Variants in SPRY3 observed in about 807,000 individuals in gnomAD.
SPRY3 encodes protein sprouty homolog 3.
Under a neutral mutation model 20.2 loss-of-function variants are expected in SPRY3, and 15 were observed. The ratio of observed to expected loss-of-function variants is 0.74; its 90% CI spans 0.50 to 1.14. The LOEUF is 1.14. Among genes scored for constraint, SPRY3 ranks in the 50% most tolerant of loss-of-function variants. The pLI is 0.00. For missense variants in SPRY3, 364 were observed against 363.9 expected (o/e 1.00, Z 0.00); for synonymous variants, 143 against 136.5 (o/e 1.05, Z -0.33).
chrX:155,732,388 C>T (rs2091138997), intron 2 of SPRY3, among the ~76,000 whole-genome samples: 1 of 151,854 alleles, frequency 6.6e-6, no homozygotes, highest in South Asian at 2.1e-4. Context: ...ATACAAATGG[C>T]AGTCATATGA....
At chrX:155,699,034 A>T (rs2068127748) in intron 2 of SPRY3, among the ~76,000 whole-genome samples, 2 of 112,324 alleles carry the variant, frequency 1.8e-5, no homozygotes, top group Admixed American at 9.5e-5. Context: ...CATAATCAAC[A>T]TTGTATTGGA....
chrX:155,695,125 C>T (rs1331535240), intron 2 of SPRY3, among the ~76,000 whole-genome samples: 1 of 111,985 alleles, frequency 8.9e-6, no homozygotes, highest in Non-Finnish European at 1.9e-5. Context: ...TATTTAGTGT[C>T]TCTGATGTCC....
At position 155,669,446 on chromosome X, in the gene SPRY3, A is replaced by G. The variant is rs2068033685; in HGVS notation, c.-282+12421A>G. On this transcript the variant is annotated intron_variant, in intron 2 of 3. Coordinates refer to ENST00000675360, the Ensembl canonical transcript of SPRY3. ...CAGAGAAAAAACATTGAGTTTCCCA[A>G]ATCATTCTGTGAGTATAGTATAATT... is the stretch of plus-strand genomic sequence containing the variant. Among the ~76,000 whole-genome samples the G allele has an allele frequency of 2.7e-5, 3 of 111,034 alleles. No homozygotes were observed. In the Admixed American group the frequency reaches 2.9e-4, roughly 11 times the overall value.
chrX:155,695,427 G>A lies in SPRY3; in HGVS notation c.-282+38402G>A, dbSNP rs775409817. On this transcript the variant is annotated intron_variant, in intron 2 of 3. Transcript: ENST00000675360. ...TAAGATTTTCTTTTTTTTGGTTTTC[G>A]GTAGTTTGGTTATAATGTGCCTAGG... Among the ~76,000 whole-genome samples, 68 of 109,380 alleles carry A rather than the reference G, an allele frequency of 6.2e-4. 1 individual carries two copies. The highest frequency in any genetic ancestry group is 9.4e-3 in the Middle Eastern group (2 of 213). 95.0% of individuals were successfully genotyped at this position (109,380 alleles called of 115,157 possible). A position where few individuals can be genotyped will look rare whatever the true frequency, so the allele number is the denominator to read the frequency against.
At chrX:155,769,639 T>G (rs978559157) in intron 3 of SPRY3, among the ~76,000 whole-genome samples, 2 of 152,234 alleles carry the variant, frequency 1.3e-5, no homozygotes, top group African/African-American at 2.4e-5. Context: ...AAATTTTCCC[T>G]GTATCATTCA....
chrX:155,669,639 A>G (rs782329506), intron 2 of SPRY3: 1 of 111,831 alleles, frequency 8.9e-6, no homozygotes, highest in Admixed American at 9.5e-5. Context: ...GTTCAAAATT[A>G]GGGAATGTAA....
chrX:155,764,227 T>C (rs2091315651), intron 2 of SPRY3, among the ~76,000 whole-genome samples: 1 of 152,216 alleles, frequency 6.6e-6, no homozygotes, highest in Non-Finnish European at 1.5e-5. Flanking sequence ...TGCCACTTAC[T>C]AGCTGTATGA....
At chrX:155,754,992 A>G (rs2091278365) in intron 2 of SPRY3, among the ~76,000 whole-genome samples, 1 of 151,600 alleles carries the variant, frequency 6.6e-6, no homozygotes, top group African/African-American at 2.4e-5. Context: ...TAAATAGGGA[A>G]TTTGCTATGG....
intron 2 of SPRY3, among the ~76,000 whole-genome samples, chrX:155,713,902 C>T (rs2091003809): frequency 6.6e-6 from 1 of 152,116 alleles, no homozygotes; most frequent in South Asian, 2.1e-4. Flanking sequence ...TATTTTGTCT[C>T]CTCTGACTTT....
At chrX:155,714,970 G>A (rs780272437) in intron 2 of SPRY3, among the ~76,000 whole-genome samples, 1 of 152,048 alleles carries the variant, frequency 6.6e-6, no homozygotes, top group African/African-American at 2.4e-5. Flanking sequence ...CATCTTTCAG[G>A]GCAGTGAACT....
intron 2 of SPRY3, among the ~76,000 whole-genome samples, chrX:155,755,045 T>G (rs1343394590): frequency 6.6e-6 from 1 of 151,736 alleles, no homozygotes; most frequent in African/African-American, 2.4e-5. Context: ...AAAATAATTT[T>G]GTGTGCATAC....
At chrX:155,725,470 G>C (rs1377024348) in intron 2 of SPRY3, among the ~76,000 whole-genome samples, 1 of 152,076 alleles carries the variant, frequency 6.6e-6, no homozygotes, top group Non-Finnish European at 1.5e-5. Context: ...TGGTTGGTGG[G>C]CTATTAATTA....
intron 2 of SPRY3, among the ~76,000 whole-genome samples, chrX:155,720,165 C>T (rs1283094007): frequency 1.3e-5 from 2 of 152,194 alleles, no homozygotes; most frequent in African/African-American, 2.4e-5. Context: ...TGACAATACT[C>T]CTCATGGGCC....
chrX:155,760,746 C>A (rs979360701), intron 2 of SPRY3, among the ~76,000 whole-genome samples: 1 of 152,050 alleles, frequency 6.6e-6, no homozygotes, highest in African/African-American at 2.4e-5. Flanking sequence ...GGTTCACGCT[C>A]CTATGAAAAT....
At chrX:155,638,328 A>AAAGTT (rs2067930654) in intron 1 of SPRY3, among the ~76,000 whole-genome samples, 1 of 1,728 alleles carries the variant, frequency 5.8e-4, no homozygotes, top group African/African-American at 9.0e-4. Context: ...ATATATATAT[A>AAAGTT]TATATATATA....
intron 1 of SPRY3, among the ~76,000 whole-genome samples, chrX:155,614,981 C>A (rs1268379012): frequency 8.9e-6 from 1 of 111,802 alleles, no homozygotes; most frequent in African/African-American, 3.2e-5. Flanking sequence ...AAAATATAAT[C>A]TGCTCATGCA....
rs771867254 is a variant in SPRY3 at position 155,753,009 on chromosome X, G to T, written c.-281-14953G>T. 1.0e-3 allele frequency among the ~76,000 whole-genome samples: 152 copies of T among 151,940 alleles called. 1 individual carries two copies. Among genetic ancestry groups the T allele is most frequent in the African/African-American group, 3.5e-3 (144 of 41,516 alleles). ...TATTAGTTAGAGACAGGTACTTCTGGCAAAGAGAAGAGTCAAATATAACAG... is the reference window on the plus strand; with the variant it reads ...TATTAGTTAGAGACAGGTACTTCTGTCAAAGAGAAGAGTCAAATATAACAG... On this transcript the variant is annotated intron_variant, in intron 2 of 3. Transcript: ENST00000675360.
chrX:155,733,842 T>C (rs1178801569), intron 2 of SPRY3, among the ~76,000 whole-genome samples: 1 of 152,142 alleles, frequency 6.6e-6, no homozygotes, highest in African/African-American at 2.4e-5. Flanking sequence ...CTTGCACTTT[T>C]GTTATGGAAA....
chrX:155,741,654 T>A (rs2091205001), intron 2 of SPRY3, among the ~76,000 whole-genome samples: 1 of 152,082 alleles, frequency 6.6e-6, no homozygotes. Flanking sequence ...ACAGCAGGCC[T>A]CTCAGCAGAA....
Sources: gnomAD v4.1 joint callset for allele counts (sites outside exome capture counted in the v4.1 genomes callset) on GRCh38, gnomAD v4.1.1 for gene constraint, MANE v1.5 for transcripts, NCBI Gene and HGNC (gene_info 2026-07-23, HGNC 2026-07-21) for gene names.